Variants in PRCD observed in about 807,000 individuals in gnomAD.
PRCD encodes the protein photoreceptor disc component.
A neutral mutation model predicts 10.1 loss-of-function variants in PRCD; 12 were observed. The observed-to-expected ratio is 1.18, with a 90% CI of 0.76 to 1.92. The LOEUF is 1.92. PRCD is among the 40% of genes most tolerant of loss of function. The pLI, the probability that PRCD is intolerant of heterozygous loss-of-function variation, is 0.00. For missense variants in PRCD, 61 were observed against 72.2 expected (o/e 0.84, Z 0.56); for synonymous variants, 31 against 26.2 (o/e 1.18, Z -0.56).
downstream of PRCD, among the ~76,000 whole-genome samples, chr17:76,548,257 C>A (rs1009423117): frequency 1.3e-5 from 2 of 152,180 alleles, no homozygotes; most frequent in African/African-American, 2.4e-5. Context: ...CAGTCACACA[C>A]ACAGATACAC....
At chr17:76,542,660 G>A (rs1764514607) in intron 3 of PRCD, 27 bp downstream of exon 3, 4 of 1,472,094 alleles carry the variant, frequency 2.7e-6, no homozygotes, top group Non-Finnish European at 3.8e-6. Context: ...AGCCGGGGAG[G>A]GCAGAGGGCA....
chr17:76,533,550 C>G lies in PRCD; in HGVS notation n.45+5717C>G, dbSNP rs1380517699. On this transcript the variant is annotated intron_variant and non_coding_transcript_variant, in intron 1 of 4. Coordinates refer to the PRCD transcript ENST00000397633. The surrounding 1 kb of genome is among the most constrained non-coding windows in gnomAD (Gnocchi z 4.5). ...GACCAGCCTGGGCAATGTGGCAAACCCTGTCTCTACAAAATACAAAAAATT... is the reference window on the plus strand; with the variant it reads ...GACCAGCCTGGGCAATGTGGCAAACGCTGTCTCTACAAAATACAAAAAATT... 1.3e-5 allele frequency among the ~76,000 whole-genome samples: 2 copies of G among 149,394 alleles called. No individual in the cohort carries two copies. Among genetic ancestry groups the G allele is most frequent in the African/African-American group, 2.5e-5 (1 of 40,310 alleles).
At chr17:76,527,680 C>G (rs1411689874), upstream of PRCD, 2 of 453,882 alleles carry the variant, frequency 4.4e-6, no homozygotes, top group African/African-American at 2.0e-5. Context: ...GTGGTCCCGC[C>G]GACCTGCTGC....
At chr17:76,535,049 G>A (rs538562666), upstream of PRCD, among the ~76,000 whole-genome samples, 8 of 152,370 alleles carry the variant, frequency 5.3e-5, no homozygotes, top group African/African-American at 1.9e-4. Flanking sequence ...GTGTGAGGAG[G>A]AAGGTGTCAG....
rs1679826753 is a variant in PRCD at position 76,545,093 on chromosome 17, T to C, written c.*1443T>C. ...TGTCTCCCCCAGGGAGCAGGCTGGC[T>C]TTGGTGGGAGCAGATTGTGTTTACA... On this transcript the variant is annotated 3_prime_UTR_variant, in exon 5 of 5. Transcript: ENST00000592014. The C allele has an allele frequency of 2.2e-6, 1 of 454,846 alleles. No homozygotes were observed. The highest frequency in any genetic ancestry group is 2.0e-5 in the African/African-American group (1 of 50,020). 28.2% of individuals were successfully genotyped at this position (454,846 alleles called of 1,614,324 possible).
In PRCD at chr17:76,531,128, G is replaced by T. The variant is rs34216716; in HGVS notation, n.45+3295G>T. The T allele has an allele frequency of 4.0e-3, 6,507 of 1,613,398 alleles. 197 individuals carry two copies. The African/African-American group carries it at 0.072, about 18-fold the overall frequency. On this transcript the variant is annotated intron_variant and non_coding_transcript_variant, in intron 1 of 4. Coordinates refer to the PRCD transcript ENST00000397633. The surrounding 1 kb of genome is among the most constrained non-coding windows in gnomAD (Gnocchi z 7.4). ...ATTCCTCGGCGACCACCTCCAGAAT[G>T]ACCCCAGAGAGGATCTGGGGGCAAA...
In PRCD at chr17:76,532,710, T is replaced by A. The variant is rs562128261; in HGVS notation, n.45+4877T>A. Among the ~76,000 whole-genome samples, 89 of 152,178 alleles carry A rather than the reference T, an allele frequency of 5.8e-4. No individual in the cohort carries two copies. In the South Asian group the frequency reaches 7.5e-3, roughly 13 times the overall value. On this transcript the variant is annotated intron_variant and non_coding_transcript_variant, in intron 1 of 4. Transcript: ENST00000397633. ...CCACGCCCGGCTAGCTAATTTTTTG[T>A]ATTTTTAGTAGAGACAGGGTTTCAC... is the stretch of plus-strand genomic sequence containing the variant.
rs1486082058 is a variant in PRCD, at chr17:76,528,454, G to A, written n.45+621G>A. On this transcript the variant is annotated intron_variant and non_coding_transcript_variant, in intron 1 of 4. Transcript: ENST00000397633. The surrounding 1 kb of genome is among the most constrained non-coding windows in gnomAD (Gnocchi z 5.8). ...CCTGGCCGCCACAGAGGCCTCCTTC[G>A]GGGAAGTTGAGTCAGGGATTCCTCC... 36 of 948,338 alleles carry A rather than the reference G, an allele frequency of 3.8e-5. No individual in the cohort carries two copies. The highest frequency in any genetic ancestry group is 4.8e-5 in the Non-Finnish European group (34 of 710,502). 58.7% of individuals were successfully genotyped at this position (948,338 alleles called of 1,614,324 possible).
intron 1 of PRCD, chr17:76,529,721 G>A (rs941333159): frequency 3.0e-6 from 3 of 985,278 alleles, no homozygotes; most frequent in Non-Finnish European, 2.4e-6. Flanking sequence ...ACAGCTGGTG[G>A]GGGGTGAGGG....
rs749934620 is a variant in PRCD, at chr17:76,531,578, A to G, written n.45+3745A>G. 1 of 1,614,058 alleles carries G rather than the reference A, an allele frequency of 6.2e-7. No homozygotes were observed. The highest frequency in any genetic ancestry group is 1.1e-5 in the South Asian group (1 of 91,086). On this transcript the variant is annotated intron_variant and non_coding_transcript_variant, in intron 1 of 4. Coordinates refer to the PRCD transcript ENST00000397633. The surrounding 1 kb of genome is among the most constrained non-coding windows in gnomAD (Gnocchi z 7.4). ...CTCCACGACAGTGTTGAGGGCCCCC[A>G]TGACTCGGCAGGCGTGCTTCCGCAG...
rs202007259 is a variant in PRCD, at chr17:76,542,557, A to G, written c.148A>G (p.Lys50Glu). The change falls in exon 3 of 5, where the codon AAA (lysine) becomes GAA (glutamate). Residue 50 changes from lysine (K) to glutamate (E), a missense_variant. By Grantham distance (56) the Lys-to-Glu change is moderately conservative. Transcript: ENST00000592014. ...CCAGTGCTTTCCTCTGTTTAGGGAG[A>G]AAGAACCTCTGAAGTAAGCCCTCAC... ...DADPQSSGRE[K>E]EPLK The G allele has an allele frequency of 6.2e-7, 1 of 1,614,174 alleles. No individual in the cohort carries two copies. The highest frequency in any genetic ancestry group is 1.6e-4 in the Middle Eastern group (1 of 6,062).
Position 76,540,628 on chromosome 17 carries a change from T to C in PRCD, c.143+55T>C. 6.4e-7 allele frequency: 1 copy of C among 1,553,122 alleles called. No homozygotes were observed. The highest frequency in any genetic ancestry group is 8.9e-7 in the Non-Finnish European group (1 of 1,127,688). ...AGGGTGCTGCCAAGGAAGCTGTGGC[T>C]GTGCATGCCTGGGGGTGCACGTGTG... On this transcript the variant is annotated intron_variant, in intron 2 of 4. Transcript: ENST00000592014. This position sits in a 1 kb window ranked among gnomAD's most constrained non-coding sequence, Gnocchi z 5.0.
upstream of PRCD, among the ~76,000 whole-genome samples, chr17:76,535,449 T>A (rs2074903967): frequency 6.6e-6 from 1 of 152,048 alleles, no homozygotes; most frequent in South Asian, 2.1e-4. Flanking sequence ...GACCAGGCCC[T>A]GGACAGAGAC....
At chr17:76,529,296 C>A (rs1192810756) in intron 1 of PRCD, 1 of 985,336 alleles carries the variant, frequency 1.0e-6, no homozygotes, top group Non-Finnish European at 1.2e-6. Flanking sequence ...GACCACCCCA[C>A]CACTTGACAG....
chr17:76,528,522 C>T lies in PRCD; in HGVS notation n.45+689C>T. 1 of 1,265,384 alleles carries T rather than the reference C, an allele frequency of 7.9e-7. No homozygotes were observed. The highest frequency in any genetic ancestry group is 1.0e-6 in the Non-Finnish European group (1 of 988,726). The allele number at this position is 1,265,384 out of a possible 1,614,324, so 78.4% of individuals were successfully genotyped here. On this transcript the variant is annotated intron_variant and non_coding_transcript_variant, in intron 1 of 4. Transcript: ENST00000397633. This position sits in a 1 kb window ranked among gnomAD's most constrained non-coding sequence, Gnocchi z 5.8. Reference sequence around the variant, plus strand: ...GAAATGGAGCGTCAAGGAGGGTCTTCAGAACTCGGCCTTCTGCTCGAGGTG... The same window carrying T: ...GAAATGGAGCGTCAAGGAGGGTCTTTAGAACTCGGCCTTCTGCTCGAGGTG...
At chr17:76,539,225 C>T (rs377474429), upstream of PRCD, among the ~76,000 whole-genome samples, 4 of 152,362 alleles carry the variant, frequency 2.6e-5, no homozygotes, top group South Asian at 2.1e-4. Flanking sequence ...CACTGAACAG[C>T]TTCTCAAAGT....
At position 76,540,518 on chromosome 17, in the gene PRCD, G is replaced by A. The variant is rs767439982; in HGVS notation, c.88G>A (p.Val30Met). Residue 30 changes from valine (V) to methionine (M), a missense_variant, in exon 2 of 5, where the codon GTG becomes ATG. By Grantham distance (21) the Val-to-Met change is conservative. Transcript: ENST00000592014. The surrounding 1 kb of genome is among the most constrained non-coding windows in gnomAD (Gnocchi z 5.0). Reference protein sequence around the residue: ...ANRVQPEPSDVDGAARGSSLD... With the variant: ...ANRVQPEPSDMDGAARGSSLD... ...TGCCTCCCACAGAGAGCCCAGCGAC[G>A]TGGATGGGGCAGCTAGGGGCAGCAG... 29 of 1,613,604 alleles carry A rather than the reference G, an allele frequency of 1.8e-5. No homozygotes were observed. The South Asian group carries it at 2.0e-4, about 11-fold the overall frequency.
In PRCD at chr17:76,528,717, G is replaced by T; in HGVS notation, n.45+884G>T. ...GCTGGCGAGGCTCACTTCCTGCCAA[G>T]AGATCCGGCACAGTGCAGTTGAAAG... On this transcript the variant is annotated intron_variant and non_coding_transcript_variant, in intron 1 of 4. Transcript: ENST00000397633. This position sits in a 1 kb window ranked among gnomAD's most constrained non-coding sequence, Gnocchi z 5.8. 8.9e-7 allele frequency: 1 copy of T among 1,127,970 alleles called. No individual in the cohort carries two copies. The highest frequency in any genetic ancestry group is 1.1e-6 in the Non-Finnish European group (1 of 879,602). The allele number at this position is 1,127,970 out of a possible 1,614,324, so 69.9% of individuals were successfully genotyped here.
intron 1 of PRCD, among the ~76,000 whole-genome samples, chr17:76,534,535 G>C (rs2074893545): frequency 6.6e-6 from 1 of 152,180 alleles, no homozygotes; most frequent in South Asian, 2.1e-4. Flanking sequence ...TTACTGATGA[G>C]GAAACAACAG....
Sources: gnomAD v4.1 joint callset for allele counts (sites outside exome capture counted in the v4.1 genomes callset) on GRCh38, gnomAD v4.1.1 for gene constraint, Gnocchi (gnomAD v3.1) non-coding constraint, MANE v1.5 for transcripts, NCBI Gene and HGNC (gene_info 2026-07-23, HGNC 2026-07-21) for gene names.